Variants in COG4 observed in about 807,000 individuals in gnomAD.
COG4 encodes conserved oligomeric Golgi complex subunit 4.
Under a neutral mutation model 95.1 loss-of-function variants are expected in COG4, and 65 were observed. The ratio of observed to expected loss-of-function variants is 0.68; its 90% confidence interval spans 0.56 to 0.84. COG4 has a LOEUF of 0.84. Among genes scored for constraint, COG4 ranks in the 40% least tolerant of loss-of-function variants. The pLI, the probability that COG4 is intolerant of heterozygous loss-of-function variation, is 0.00. For missense variants in COG4, 1,045 were observed against 989.1 expected, an observed-to-expected ratio of 1.06 and a Z score of -0.76; for synonymous variants, 421 against 374.8, an observed-to-expected ratio of 1.12 and a Z score of -1.42.
intron 1 of COG4, among the ~76,000 whole-genome samples, chr16:70,522,933 A>C (rs1451507748): frequency 2.0e-5 from 3 of 152,200 alleles, no homozygotes; most frequent in African/African-American, 7.2e-5. Flanking sequence ...TCCCCACAAG[A>C]GGAAGTCTTA....
chr16:70,495,621 G>A (rs543722657), intron 12 of COG4, among the ~76,000 whole-genome samples: 42 of 152,132 alleles, frequency 2.8e-4, no homozygotes, highest in Non-Finnish European at 4.9e-4. Context: ...CTAAGACAGC[G>A]TGTGCCAGAG....
intron 3 of COG4, chr16:70,516,072 T>C (rs2049816483): frequency 4.4e-6 from 2 of 456,026 alleles, no homozygotes; most frequent in Middle Eastern, 3.3e-4. Context: ...TTTTGTTAAA[T>C]GTTTTCTTCT....
chr16:70,496,229 A>G, intron 12 of COG4, 37 bp downstream of exon 12: 1 of 1,613,518 alleles, frequency 6.2e-7, no homozygotes, highest in Non-Finnish European at 8.5e-7. Context: ...ACCTCTCGAG[A>G]TAAACCAACC....
In COG4 at chr16:70,481,526, G is replaced by A. The variant is rs373207165; in HGVS notation, c.2107-39C>T. On this transcript the variant is annotated intron_variant, in intron 17 of 18. Transcript: ENST00000323786. ...CAAGCCCAGTCACTACTTAGGCCTG[G>A]CCAAGCAGAACTGGCCTCCAGTTGC... 13 of 1,609,344 alleles carry A rather than the reference G, an allele frequency of 8.1e-6. No individual in the cohort carries two copies. The African/African-American group carries it at 1.6e-4, about 20-fold the overall frequency.
chr16:70,517,512 C>A, intron 3 of COG4, 114 bp downstream of exon 3: 2 of 674,386 alleles, frequency 3.0e-6, no homozygotes, highest in African/African-American at 2.0e-5. Flanking sequence ...TGCTTGAGCC[C>A]AGGGAGTTGG....
Position 70,481,424 on chromosome 16 carries a change from T to C in COG4, c.2170A>G (p.Thr724Ala), listed in dbSNP as rs1597650850. The C allele has an allele frequency of 6.2e-7, 1 of 1,613,090 alleles. No individual in the cohort carries two copies. The highest frequency in any genetic ancestry group is 8.5e-7 in the Non-Finnish European group (1 of 1,179,956). The change falls in exon 18 of 19, where the codon ACC (threonine) becomes GCC (alanine). Residue 724 changes from threonine (T) to alanine (A), a missense_variant. Thr to Ala is a moderately conservative substitution (Grantham distance 58, BLOSUM62 0). Transcript: ENST00000323786. ...SLIAYLTTVT[T>A]WTIRDKFARL... Reference sequence around the variant, plus strand: ...GCAAACTTGTCTCGGATGGTCCAGGTGGTCACCGTGGTAAGGTAGGCAATG... The same window carrying C: ...GCAAACTTGTCTCGGATGGTCCAGGCGGTCACCGTGGTAAGGTAGGCAATG...
chr16:70,508,493 T>C, intron 7 of COG4, 29 bp from the exon 8 acceptor site: 2 of 1,598,932 alleles, frequency 1.3e-6, no homozygotes, highest in Non-Finnish European at 1.7e-6. Context: ...ATGAGAATAT[T>C]CTTCCCCACC....
intron 8 of COG4, among the ~76,000 whole-genome samples, chr16:70,506,618 CAAAAAAAAA>C (rs1212409898): frequency 8.3e-5 from 5 of 59,938 alleles, no homozygotes; most frequent in Non-Finnish European, 1.2e-4. Context: ...AAAAAAAAAA[CAAAAAAAAA>C]AACATTTAGC....
At chr16:70,488,214 A>G (rs1187135345) in intron 13 of COG4, among the ~76,000 whole-genome samples, 2 of 151,156 alleles carry the variant, frequency 1.3e-5, no homozygotes, top group African/African-American at 2.4e-5. Context: ...ACTCACTGCA[A>G]CCTCCGCCTC....
At chr16:70,481,299 G>C in intron 18 of COG4, 60 bp downstream of exon 18, 1 of 1,608,230 alleles carries the variant, frequency 6.2e-7, no homozygotes, top group Non-Finnish European at 8.5e-7. Flanking sequence ...AAGTGGCGGG[G>C]ATCCATCTTT....
intron 15 of COG4, 199 bp from the exon 16 acceptor site, chr16:70,482,374 C>T: frequency 1.5e-6 from 1 of 651,834 alleles, no homozygotes; most frequent in Non-Finnish European, 2.8e-6. Flanking sequence ...GTAGCAGTGG[C>T]CCACATAACA....
chr16:70,485,207 T>C (rs868689307), intron 13 of COG4, among the ~76,000 whole-genome samples: 3,294 of 144,572 alleles, frequency 0.023, 55 homozygotes, highest in Non-Finnish European at 0.034. Context: ...CTGTCTCTCT[T>C]TTTTTTTTTT....
chr16:70,497,003 G>T (rs1412662962), intron 11 of COG4, among the ~76,000 whole-genome samples: 1 of 152,170 alleles, frequency 6.6e-6, no homozygotes, highest in Non-Finnish European at 1.5e-5. Flanking sequence ...AGGGCCCATA[G>T]CTCCTTCAGT....
At chr16:70,486,916 A>G (rs1346027512) in intron 13 of COG4, among the ~76,000 whole-genome samples, 3 of 151,290 alleles carry the variant, frequency 2.0e-5, no homozygotes, top group Non-Finnish European at 4.4e-5. Flanking sequence ...AATCGCTTGA[A>G]TCCGGGAGGT....
chr16:70,481,070 G>A lies in COG4; in HGVS notation c.2310C>T (p.Arg770=), dbSNP rs533161794. The change falls in exon 19 of 19, where the codon CGC becomes CGT. Residue 770 remains arginine (R), a synonymous_variant. Transcript: ENST00000323786. ...LTWRLTPAEV[R]QVLALRIDFR... is the part of the protein sequence containing the mutation. ...AGTCTATCCGCAGGGCCAGCACCTG[G>A]CGCACTTCAGCAGGGGTGAGGCGCC... The A allele has an allele frequency of 6.8e-6, 11 of 1,613,300 alleles. No individual in the cohort carries two copies. Among genetic ancestry groups the A allele is most frequent in the Non-Finnish European group, 9.3e-6 (11 of 1,180,044 alleles).
In COG4 at chr16:70,493,713, C is replaced by A. The variant is rs556465285; in HGVS notation, c.1647+2553G>T. On this transcript the variant is annotated intron_variant, in intron 12 of 18. Transcript: ENST00000323786. ...TGACGGGGACTTGGGTGCTCTGCTG[C>A]AGAGTTAGCCCTGTGACCTGTGGAC... Among the ~76,000 whole-genome samples the A allele has an allele frequency of 1.5e-3, 232 of 152,198 alleles. 1 individual carries two copies. Among genetic ancestry groups the A allele is most frequent in the Non-Finnish European group, 2.9e-3 (198 of 68,018 alleles).
rs780209257 is a variant in COG4 at position 70,519,710 on chromosome 16, C to A, written c.193G>T (p.Asp65Tyr). 6.2e-7 allele frequency: 1 copy of A among 1,613,448 alleles called. No individual in the cohort carries two copies. Among genetic ancestry groups the A allele is most frequent in the Non-Finnish European group, 8.5e-7 (1 of 1,179,474 alleles). ...GEEKVVEREL[D>Y]ALLEQQNTIE... ...GTGTTTTGCTGTTCCAAAAGAGCAT[C>A]CAGCTCTCTCTCCACCACTTTCTGA... is the stretch of plus-strand genomic sequence containing the variant. Residue 65 changes from aspartate (D) to tyrosine (Y), a missense_variant, in exon 2 of 19, where the codon GAT (aspartate) becomes TAT (tyrosine). Physicochemically the swap from Asp to Tyr is radical, Grantham distance 160. Coordinates refer to ENST00000323786, the MANE Select transcript of COG4 (RefSeq NM_015386.3).
At chr16:70,512,609 A>T (rs1256828821) in intron 4 of COG4, among the ~76,000 whole-genome samples, 177 bp from the exon 5 acceptor site, 1 of 152,218 alleles carries the variant, frequency 6.6e-6, no homozygotes, top group East Asian at 1.9e-4. Context: ...CTACCATCAC[A>T]GAAGTTAGGA....
In COG4 at chr16:70,480,926, G is replaced by A. The variant is rs1052373781; in HGVS notation, c.*84C>T. ...GGGCTGTCAGATCTCCCCCAAGCCA[G>A]ACAGCCTCGCTCAGCTCCTTGGCTG... On this transcript the variant is annotated 3_prime_UTR_variant, in exon 19 of 19. Coordinates refer to ENST00000323786, the MANE Select transcript of COG4 (RefSeq NM_015386.3). The A allele has an allele frequency of 2.1e-5, 32 of 1,549,516 alleles. No homozygotes were observed. Among genetic ancestry groups the A allele is most frequent in the Admixed American group, 3.3e-5 (2 of 59,744 alleles).
Sources: gnomAD v4.1 joint callset for allele counts (sites outside exome capture counted in the v4.1 genomes callset) on GRCh38, gnomAD v4.1.1 for gene constraint, MANE v1.5 for transcripts, NCBI Gene and HGNC (gene_info 2026-07-23, HGNC 2026-07-21) for gene names.